FHOD3: variants seen among roughly 807,000 people sequenced by gnomAD.
FHOD3 encodes the protein formin homology 2 domain containing 3.
In FHOD3, 90 loss-of-function variants were observed where a neutral mutation model predicts 173.0. The ratio of observed to expected loss-of-function variants is 0.52; its 90% CI spans 0.44 to 0.62. FHOD3 has a LOEUF of 0.62. Among genes scored for constraint, FHOD3 ranks in the 20% least tolerant of loss-of-function variants. The pLI is 0.00. For synonymous variants in FHOD3, 828 were observed against 823.0 expected (o/e 1.01, Z -0.10); for missense variants, 1,945 against 2,034.7 (o/e 0.96, Z 0.85).
intron 3 of FHOD3, among the ~76,000 whole-genome samples, chr18:36,412,402 T>A (rs922877413): frequency 3.3e-5 from 5 of 152,206 alleles, no homozygotes; most frequent in Non-Finnish European, 7.3e-5. Context: ...GGGGAAAAAG[T>A]GATACCAATT....
intron 3 of FHOD3, 76 bp from the exon 4 acceptor site, chr18:36,501,856 C>A: frequency 2.9e-6 from 3 of 1,019,514 alleles, no homozygotes; most frequent in South Asian, 1.6e-5. Flanking sequence ...GTTTTGTTAT[C>A]ATTCATATCC....
intron 3 of FHOD3, among the ~76,000 whole-genome samples, chr18:36,482,096 T>C (rs984298825): frequency 3.3e-5 from 5 of 152,016 alleles, no homozygotes; most frequent in Admixed American, 6.6e-5. Context: ...ATTCATAAGA[T>C]AAGAGGAAGA....
In FHOD3 at chr18:36,388,557, G is replaced by A. The variant is rs74331026; in HGVS notation, c.337+15813G>A. Among the ~76,000 whole-genome samples, 538 of 152,270 alleles carry A rather than the reference G, an allele frequency of 3.5e-3. 4 individuals carry two copies. Among genetic ancestry groups the A allele is most frequent in the African/African-American group, 0.012 (504 of 41,548 alleles). On this transcript the variant is annotated intron_variant, in intron 3 of 28. Coordinates refer to ENST00000590592, the MANE Select transcript of FHOD3 (RefSeq NM_001281740.3). ...TTCAGGATTACTTTTCTTTTATAATGGTTTCCTCTCGGCAGAGCCTGGGTT... is the reference window on the plus strand; with the variant it reads ...TTCAGGATTACTTTTCTTTTATAATAGTTTCCTCTCGGCAGAGCCTGGGTT...
At chr18:36,616,916 C>T (rs919320059) in intron 9 of FHOD3, among the ~76,000 whole-genome samples, 1 of 152,146 alleles carries the variant, frequency 6.6e-6, no homozygotes, top group African/African-American at 2.4e-5. Context: ...TTGTGACTCC[C>T]CAGGTCCTTT....
At chr18:36,624,446 G>C (rs111357618) in intron 9 of FHOD3, among the ~76,000 whole-genome samples, 2 of 152,144 alleles carry the variant, frequency 1.3e-5, no homozygotes, top group Admixed American at 6.5e-5. Flanking sequence ...GAATGTAGGC[G>C]TAGGCATAAC....
At chr18:36,763,303 G>A (rs1471034539) in intron 27 of FHOD3, among the ~76,000 whole-genome samples, 2 of 131,656 alleles carry the variant, frequency 1.5e-5, no homozygotes, top group African/African-American at 2.8e-5. Context: ...TATTATACAC[G>A]TTATATACAA....
rs1427487400 is a variant in FHOD3, at chr18:36,695,466, A to G, written c.2236+2043A>G. ...ACACAATAAATGATACCTGCTTCTG[A>G]AAGAGGAATACTGGGCTTGAATCTG... On this transcript the variant is annotated intron_variant, in intron 17 of 28. Coordinates refer to ENST00000590592, the MANE Select transcript of FHOD3 (RefSeq NM_001281740.3). 2.0e-5 allele frequency among the ~76,000 whole-genome samples: 3 copies of G among 152,212 alleles called. No homozygotes were observed. The East Asian group carries it at 5.8e-4, about 29-fold the overall frequency.
At chr18:36,678,344 T>C (rs1008723286) in intron 14 of FHOD3, among the ~76,000 whole-genome samples, 1 of 151,818 alleles carries the variant, frequency 6.6e-6, no homozygotes, top group Non-Finnish European at 1.5e-5. Context: ...CGAGACCAGC[T>C]TGAGCAACAT....
intron 3 of FHOD3, among the ~76,000 whole-genome samples, chr18:36,471,898 T>A (rs1316255573): frequency 2.0e-5 from 3 of 152,202 alleles, no homozygotes; most frequent in Non-Finnish European, 1.5e-5. Context: ...ATTTTCATAG[T>A]GTTTGTGGGC....
intron 3 of FHOD3, among the ~76,000 whole-genome samples, chr18:36,492,168 T>G (rs2054505197): frequency 6.6e-6 from 1 of 152,132 alleles, no homozygotes; most frequent in African/African-American, 2.4e-5. Context: ...TATTGACATA[T>G]TAGATGCTGG....
At chr18:36,356,022 G>C (rs2046342940) in intron 2 of FHOD3, among the ~76,000 whole-genome samples, 4 of 152,180 alleles carry the variant, frequency 2.6e-5, no homozygotes, top group Admixed American at 2.6e-4. Context: ...GCTTGAGTCT[G>C]GGAGGCCGAG....
At chr18:36,497,341 A>T (rs1041513312) in intron 3 of FHOD3, among the ~76,000 whole-genome samples, 3 of 152,242 alleles carry the variant, frequency 2.0e-5, no homozygotes, top group African/African-American at 7.2e-5. Context: ...AGAGTTTGAG[A>T]TGGCGTCAGA....
At chr18:36,691,920 A>C (rs1458920624) in intron 16 of FHOD3, among the ~76,000 whole-genome samples, 1 of 152,240 alleles carries the variant, frequency 6.6e-6, no homozygotes, top group African/African-American at 2.4e-5. Context: ...ACAGACATAC[A>C]CATGTGAACA....
In FHOD3 at chr18:36,638,890, A is replaced by G. The variant is rs542511427; in HGVS notation, c.1197-10426A>G. Among the ~76,000 whole-genome samples the G allele has an allele frequency of 1.1e-4, 17 of 152,270 alleles. No homozygotes were observed. The East Asian group carries it at 2.5e-3, about 23-fold the overall frequency. ...GTTTAGGAGGGTGGTCTCTTCCCAT[A>G]AGTGAAAAACACACATGAGATTAGT... On this transcript the variant is annotated intron_variant, in intron 10 of 28. Coordinates refer to ENST00000590592, the MANE Select transcript of FHOD3 (RefSeq NM_001281740.3).
chr18:36,776,537 G>T (rs2043667822), intron 28 of FHOD3, among the ~76,000 whole-genome samples: 1 of 152,150 alleles, frequency 6.6e-6, no homozygotes, highest in Non-Finnish European at 1.5e-5. Flanking sequence ...AGATTCTCAG[G>T]TATTTTTCAT....
At chr18:36,649,721 G>C (rs775239473) in intron 11 of FHOD3, among the ~76,000 whole-genome samples, 5 of 152,030 alleles carry the variant, frequency 3.3e-5, no homozygotes, top group East Asian at 1.9e-4. Flanking sequence ...GACTAAAAAG[G>C]CTCATCTCCC....
At chr18:36,715,775 G>A (rs2040416071) in intron 18 of FHOD3, among the ~76,000 whole-genome samples, 1 of 152,210 alleles carries the variant, frequency 6.6e-6, no homozygotes, top group Non-Finnish European at 1.5e-5. Flanking sequence ...CAACAGTGTT[G>A]GGGGAGGATT....
Position 36,557,682 on chromosome 18 carries a change from T to G in FHOD3, c.512-18769T>G, listed in dbSNP as rs147335029. Among the ~76,000 whole-genome samples, 1,214 of 152,340 alleles carry G rather than the reference T, an allele frequency of 8.0e-3. 13 individuals carry two copies. Among genetic ancestry groups the G allele is most frequent in the African/African-American group, 0.028 (1,152 of 41,572 alleles). On this transcript the variant is annotated intron_variant, in intron 5 of 28. Coordinates refer to ENST00000590592, the MANE Select transcript of FHOD3 (RefSeq NM_001281740.3). ...ATTGAATTTCACACACTGTGACTTG[T>G]ACTTATTGCATGCTGATATTTTTGT...
At chr18:36,611,506 G>A (rs569658193) in intron 8 of FHOD3, among the ~76,000 whole-genome samples, 20 of 152,276 alleles carry the variant, frequency 1.3e-4, no homozygotes, top group African/African-American at 3.6e-4. Flanking sequence ...CTGCCTCGAG[G>A]CCAGTGGGAT....
Sources: allele counts gnomAD v4.1 joint callset (sites outside exome capture counted in the v4.1 genomes callset), GRCh38; gene constraint gnomAD v4.1.1; transcripts MANE v1.5; gene names NCBI Gene and HGNC (gene_info 2026-07-23, HGNC 2026-07-21).